UBE2Q2: variants seen among roughly 807,000 people sequenced by gnomAD.
UBE2Q2 encodes the protein ubiquitin conjugating enzyme E2 Q2, also known as ubiquitin-conjugating enzyme E2 Q2.
UBE2Q2 carries 54 observed loss-of-function variants against 59.9 expected under a neutral mutation model. That is an observed-to-expected ratio of 0.90 (90% CI 0.72 to 1.13). UBE2Q2 has a LOEUF of 1.13. Among genes scored for constraint, UBE2Q2 ranks in the 50% most tolerant of loss-of-function variants. The probability of loss-of-function intolerance (pLI) is 0.00; values close to 1 mark genes in which losing one functional copy is unlikely to be tolerated. For synonymous variants in UBE2Q2, 165 were observed against 155.2 expected (o/e 1.06, Z -0.47); for missense variants, 433 against 441.9 (o/e 0.98, Z 0.18).
intron 4 of UBE2Q2, among the ~76,000 whole-genome samples, chr15:75,871,382 CT>C (rs1045973558): frequency 5.3e-5 from 8 of 152,362 alleles, no homozygotes; most frequent in Admixed American, 4.6e-4. Context: ...TTATACTAAT[CT>C]TCCTCAGCAC....
intron 3 of UBE2Q2, among the ~76,000 whole-genome samples, chr15:75,862,643 C>T (rs1394087278): frequency 2.0e-5 from 3 of 150,824 alleles, no homozygotes; most frequent in Non-Finnish European, 4.4e-5. Flanking sequence ...TATTGAGACC[C>T]CATCTTTACA....
intron 12 of UBE2Q2, among the ~76,000 whole-genome samples, chr15:75,899,150 C>T (rs894579553): frequency 1.3e-5 from 2 of 150,532 alleles, no homozygotes; most frequent in Admixed American, 1.3e-4. Context: ...GTGGCGCATG[C>T]CTATAATCCC....
At chr15:75,869,647 G>A (rs904151940) in intron 4 of UBE2Q2, among the ~76,000 whole-genome samples, 1 of 152,190 alleles carries the variant, frequency 6.6e-6, no homozygotes, top group African/African-American at 2.4e-5. Context: ...AGCCTCATTT[G>A]TAAGGGCCTT....
At chr15:75,876,509 T>C (rs1432342343) in intron 6 of UBE2Q2, among the ~76,000 whole-genome samples, 1 of 152,268 alleles carries the variant, frequency 6.6e-6, no homozygotes, top group Admixed American at 6.5e-5. Context: ...TTTTGTCCTC[T>C]TCTTGATAAA....
chr15:75,884,453 C>T (rs1244806262), intron 9 of UBE2Q2, among the ~76,000 whole-genome samples: 1 of 152,142 alleles, frequency 6.6e-6, no homozygotes, highest in Non-Finnish European at 1.5e-5. Flanking sequence ...GGGCTAAAAT[C>T]CTGTTAAGAA....
intron 4 of UBE2Q2, among the ~76,000 whole-genome samples, chr15:75,870,907 G>A (rs576901164): frequency 1.6e-4 from 24 of 152,296 alleles, no homozygotes; most frequent in South Asian, 4.1e-4. Flanking sequence ...TAGGTGGAAC[G>A]AGAGACTTGG....
At chr15:75,845,084 C>T (rs989054014) in intron 1 of UBE2Q2, among the ~76,000 whole-genome samples, 8 of 152,032 alleles carry the variant, frequency 5.3e-5, no homozygotes, top group African/African-American at 1.9e-4. Flanking sequence ...GCTCTCAGAA[C>T]TCAGTCTTCT....
chr15:75,844,004 C>G, intron 1 of UBE2Q2, 158 bp downstream of exon 1: 2 of 1,410,958 alleles, frequency 1.4e-6, no homozygotes, highest in East Asian at 5.5e-5. Context: ...CCAGGCCGGG[C>G]TGGGACTGCG....
chr15:75,885,544 A>G (rs1485224891), intron 9 of UBE2Q2, among the ~76,000 whole-genome samples: 1 of 152,186 alleles, frequency 6.6e-6, no homozygotes, highest in Non-Finnish European at 1.5e-5. Context: ...AAATTTGTTT[A>G]ATAATTTACA....
intron 1 of UBE2Q2, among the ~76,000 whole-genome samples, chr15:75,845,105 G>T (rs1317717210): frequency 6.6e-6 from 1 of 152,150 alleles, no homozygotes; most frequent in Non-Finnish European, 1.5e-5. Context: ...TGGGGGAAGA[G>T]TTCAATAAGG....
intron 8 of UBE2Q2, among the ~76,000 whole-genome samples, chr15:75,882,069 T>A (rs551662031): frequency 1.3e-5 from 2 of 152,302 alleles, no homozygotes; most frequent in South Asian, 4.1e-4. Flanking sequence ...TTTTATTTGC[T>A]TTTGGTGAAT....
At chr15:75,856,269 G>GTGTGTATATATATATATATA (rs1256142539) in intron 2 of UBE2Q2, among the ~76,000 whole-genome samples, 23 of 139,266 alleles carry the variant, frequency 1.7e-4, no homozygotes, top group African/African-American at 6.3e-4. Context: ...GTGTGTGTGT[G>GTGTGTATATATATATATATA]TATATATATA....
intron 1 of UBE2Q2, among the ~76,000 whole-genome samples, chr15:75,853,348 G>C (rs1896730398): frequency 6.6e-6 from 1 of 152,064 alleles, no homozygotes; most frequent in African/African-American, 2.4e-5. Flanking sequence ...GCATGTGCTT[G>C]TTATCCCAGC....
intron 1 of UBE2Q2, among the ~76,000 whole-genome samples, chr15:75,852,990 G>A (rs1451717737): frequency 6.6e-6 from 1 of 152,098 alleles, no homozygotes; most frequent in African/African-American, 2.4e-5. Flanking sequence ...TCCTAAAATC[G>A]TTTCTGTGAA....
At chr15:75,890,099 C>T (rs1436806688) in intron 9 of UBE2Q2, among the ~76,000 whole-genome samples, 1 of 152,154 alleles carries the variant, frequency 6.6e-6, no homozygotes, top group African/African-American at 2.4e-5. Flanking sequence ...GTAAAGAACA[C>T]GTGAACGCCA....
Position 75,890,462 on chromosome 15 carries a change from T to C in UBE2Q2, c.912T>C (p.Cys304=), listed in dbSNP as rs760261723. 6.2e-6 allele frequency: 10 copies of C among 1,608,748 alleles called. No homozygotes were observed. The African/African-American group carries it at 1.3e-4, about 22-fold the overall frequency. The change falls in exon 10 of 13, where the codon TGT becomes TGC. Residue 304 remains cysteine (C), a synonymous_variant. Transcript: ENST00000267938. ...ATGTATTGGGTGGAGGAGCATTATG[T>C]ATGGAACTTCTCACAAAACAGGTGA... ...GGYVLGGGAL[C]MELLTKQGWS...
intron 7 of UBE2Q2, 56 bp from the exon 8 acceptor site, chr15:75,879,041 TA>T (rs372868686): frequency 0.069 from 71,656 of 1,036,120 alleles, no homozygotes; most frequent in South Asian, 0.1. Flanking sequence ...TGAGTTTAGT[TA>T]AAAAAAAAAA....
rs1019795697 is a variant in UBE2Q2 at position 75,844,038 on chromosome 15, G to A, written c.180+192G>A. The A allele has an allele frequency of 5.0e-6, 7 of 1,408,552 alleles. No homozygotes were observed. In the African/African-American group the frequency reaches 9.0e-5, roughly 18 times the overall value. The allele number at this position is 1,408,552 out of a possible 1,614,324, so 87.3% of individuals were successfully genotyped here. On this transcript the variant is annotated intron_variant, in intron 1 of 12. Coordinates refer to ENST00000267938, the MANE Select transcript of UBE2Q2 (RefSeq NM_173469.4). Reference sequence around the variant, plus strand: ...CGCGAGGCTTGGGTGGGAGGAGGCGGAGGGCGCGTCTTTCCGGCTTCTCGC... The same window carrying A: ...CGCGAGGCTTGGGTGGGAGGAGGCGAAGGGCGCGTCTTTCCGGCTTCTCGC...
At chr15:75,874,329 G>GC (rs1475177410) in intron 5 of UBE2Q2, among the ~76,000 whole-genome samples, 1 of 150,890 alleles carries the variant, frequency 6.6e-6, no homozygotes, top group African/African-American at 2.4e-5. Flanking sequence ...TGTCTCCCGG[G>GC]CTGGAGTGTG....
Sources: allele counts gnomAD v4.1 joint callset (sites outside exome capture counted in the v4.1 genomes callset), GRCh38; gene constraint gnomAD v4.1.1; transcripts MANE v1.5; gene names NCBI Gene and HGNC (gene_info 2026-07-23, HGNC 2026-07-21).